The following PTGFRN variants were observed in gnomAD, a reference collection of about 807,000 sequenced individuals.
PTGFRN encodes prostaglandin F2 receptor negative regulator.
PTGFRN carries 35 observed loss-of-function variants against 83.2 expected under a neutral mutation model. The observed-to-expected ratio is 0.42, with a 90% CI of 0.32 to 0.56. The LOEUF is 0.56. Among genes scored for constraint, PTGFRN ranks in the 20% least tolerant of loss-of-function variants. The pLI is 0.11. For missense variants in PTGFRN, 1,051 were observed against 1,179.5 expected, an observed-to-expected ratio of 0.89 and a Z score of 1.60; for synonymous variants, 519 against 498.6, an observed-to-expected ratio of 1.04 and a Z score of -0.55.
At position 116,970,537 on chromosome 1, in the gene PTGFRN, T is replaced by A. The variant is rs137859449; in HGVS notation, c.2059+3207T>A. 1.9e-3 allele frequency among the ~76,000 whole-genome samples: 296 copies of A among 152,352 alleles called. 2 individuals are homozygous for A. The highest frequency in any genetic ancestry group is 6.3e-3 in the African/African-American group (263 of 41,572). ...GGAGACACAGAGTATTTTGTATCTA[T>A]TTCTGGGTGAGGAATGGATGTTGAG... On this transcript the variant is annotated intron_variant, in intron 6 of 8. Coordinates refer to ENST00000393203, the MANE Select transcript of PTGFRN (RefSeq NM_020440.4).
At chr1:116,934,592 A>G (rs917747908) in intron 1 of PTGFRN, among the ~76,000 whole-genome samples, 11 of 151,200 alleles carry the variant, frequency 7.3e-5, no homozygotes, top group South Asian at 2.1e-4. Context: ...CCTGTTTTCT[A>G]TTTCTTTAGT....
chr1:116,972,523 A>G (rs1164465815), intron 6 of PTGFRN, among the ~76,000 whole-genome samples: 2 of 152,102 alleles, frequency 1.3e-5, no homozygotes, highest in Non-Finnish European at 2.9e-5. Context: ...TCATCATGTT[A>G]CTCCCTCTGT....
intron 5 of PTGFRN, among the ~76,000 whole-genome samples, chr1:116,966,690 C>T (rs1418307484): frequency 1.3e-5 from 2 of 152,226 alleles, no homozygotes; most frequent in African/African-American, 4.8e-5. Context: ...TTCCTCTCTC[C>T]TGACACCCAC....
intron 3 of PTGFRN, among the ~76,000 whole-genome samples, chr1:116,945,922 C>G (rs1342847543): frequency 6.6e-6 from 1 of 152,070 alleles, no homozygotes; most frequent in Non-Finnish European, 1.5e-5. Context: ...GCCCTTGGGT[C>G]AGAGGTATTT....
intron 4 of PTGFRN, among the ~76,000 whole-genome samples, chr1:116,960,884 G>A (rs1238754172): frequency 6.6e-6 from 1 of 152,102 alleles, no homozygotes; most frequent in African/African-American, 2.4e-5. Flanking sequence ...AGCAATCTTG[G>A]TAGGGGGTGG....
intron 1 of PTGFRN, among the ~76,000 whole-genome samples, chr1:116,911,113 G>A (rs1374345644): frequency 2.7e-5 from 4 of 149,782 alleles, no homozygotes; most frequent in African/African-American, 9.9e-5. Flanking sequence ...AGATCCACAT[G>A]GTGATCCTAG....
intron 5 of PTGFRN, among the ~76,000 whole-genome samples, chr1:116,962,832 T>G (rs1252081249): frequency 6.6e-6 from 1 of 152,232 alleles, no homozygotes; most frequent in South Asian, 2.1e-4. Flanking sequence ...GACATCGTCC[T>G]TCACTGCCAT....
intron 3 of PTGFRN, 115 bp downstream of exon 3, chr1:116,945,207 A>C: frequency 1.5e-6 from 2 of 1,307,594 alleles, no homozygotes; most frequent in South Asian, 1.5e-5. Flanking sequence ...TCTGCTTCCC[A>C]TGTGAGGCCT....
At chr1:116,924,425 G>A (rs1448277296) in intron 1 of PTGFRN, among the ~76,000 whole-genome samples, 6 of 152,154 alleles carry the variant, frequency 3.9e-5, no homozygotes, top group Admixed American at 2.0e-4. Context: ...GATTACAGGC[G>A]TGAGCCACCA....
intron 1 of PTGFRN, among the ~76,000 whole-genome samples, chr1:116,931,044 A>C (rs558269013): frequency 1.3e-4 from 20 of 152,260 alleles, no homozygotes; most frequent in Non-Finnish European, 2.5e-4. Flanking sequence ...TTGATTATTT[A>C]TATCCTTCCT....
chr1:116,963,943 C>G (rs1384661115), intron 5 of PTGFRN, among the ~76,000 whole-genome samples: 2 of 151,928 alleles, frequency 1.3e-5, no homozygotes, highest in African/African-American at 4.8e-5. Context: ...TATCATCATG[C>G]CTGGCTATTT....
intron 1 of PTGFRN, among the ~76,000 whole-genome samples, chr1:116,914,436 T>A (rs1649348875): frequency 6.6e-6 from 1 of 152,120 alleles, no homozygotes; most frequent in Admixed American, 6.5e-5. Context: ...TCTGTGTTAC[T>A]TACAAAGGAT....
chr1:116,976,126 A>G (rs890705274), intron 7 of PTGFRN, among the ~76,000 whole-genome samples: 1 of 152,250 alleles, frequency 6.6e-6, no homozygotes, highest in Non-Finnish European at 1.5e-5. Context: ...GGTATCAGTG[A>G]TTGAAGATCA....
intron 7 of PTGFRN, among the ~76,000 whole-genome samples, chr1:116,976,179 A>G (rs1651150813): frequency 6.6e-6 from 1 of 152,238 alleles, no homozygotes; most frequent in Non-Finnish European, 1.5e-5. Flanking sequence ...GAGAAAAAAG[A>G]GTAAAAAGAA....
intron 7 of PTGFRN, among the ~76,000 whole-genome samples, chr1:116,978,535 G>A (rs113621401): frequency 0.11 from 16,977 of 152,062 alleles, 1,237 homozygotes; most frequent in African/African-American, 0.2. Context: ...TGATCAAATG[G>A]GCTTCATCCC....
chr1:116,940,255 A>G (rs1032398822), intron 1 of PTGFRN, among the ~76,000 whole-genome samples: 5 of 152,190 alleles, frequency 3.3e-5, no homozygotes, highest in African/African-American at 7.2e-5. Context: ...CAGAGGGCTG[A>G]GAGGGAGAAT....
intron 4 of PTGFRN, among the ~76,000 whole-genome samples, chr1:116,950,020 C>T (rs1217852719): frequency 2.6e-5 from 4 of 151,994 alleles, no homozygotes; most frequent in Non-Finnish European, 2.9e-5. Flanking sequence ...TTTCACGTCA[C>T]GCCCTGGAAT....
chr1:116,955,374 C>T (rs982548387), intron 4 of PTGFRN, among the ~76,000 whole-genome samples: 1 of 152,170 alleles, frequency 6.6e-6, no homozygotes, highest in Non-Finnish European at 1.5e-5. Context: ...TACAAATATT[C>T]ACAGTTGAAG....
chr1:116,932,075 C>G (rs1009611350), intron 1 of PTGFRN, among the ~76,000 whole-genome samples: 7 of 152,144 alleles, frequency 4.6e-5, no homozygotes, highest in Non-Finnish European at 7.3e-5. Context: ...GAAATAGAAA[C>G]AATTGCAAGA....
Sources: gnomAD v4.1 joint callset for allele counts (sites outside exome capture counted in the v4.1 genomes callset) on GRCh38, gnomAD v4.1.1 for gene constraint, MANE v1.5 for transcripts, NCBI Gene and HGNC (gene_info 2026-07-23, HGNC 2026-07-21) for gene names.